The following PBLD variants were observed in gnomAD, a reference collection of about 807,000 sequenced individuals.
The protein encoded by PBLD is phenazine biosynthesis-like domain-containing protein.
A neutral mutation model predicts 31.3 loss-of-function variants in PBLD; 26 were observed. The ratio of observed to expected loss-of-function variants is 0.83; its 90% CI spans 0.61 to 1.15. PBLD has a LOEUF of 1.15. PBLD is among the 50% of genes most tolerant of loss of function. The pLI, the probability that PBLD is intolerant of heterozygous loss-of-function variation, is 0.00. For missense variants in PBLD, 307 were observed against 351.7 expected, an observed-to-expected ratio of 0.87 and a Z score of 1.02; for synonymous variants, 114 against 129.0, an observed-to-expected ratio of 0.88 and a Z score of 0.79.
chr10:68,326,252 C>T (rs2044918790), intron 1 of PBLD, among the ~76,000 whole-genome samples: 1 of 152,144 alleles, frequency 6.6e-6, no homozygotes, highest in Middle Eastern at 3.4e-3. Flanking sequence ...GTTGCCCAGG[C>T]TGATCTTGAA....
rs1246894475 is a variant in PBLD, at chr10:68,288,770, G to A, written c.513-109C>T. The A allele has an allele frequency of 3.7e-6, 5 of 1,334,546 alleles. No homozygotes were observed. The South Asian group carries it at 5.3e-5, about 14-fold the overall frequency. 82.7% of individuals were successfully genotyped at this position (1,334,546 alleles called of 1,614,324 possible). ...AGCTTGCTCAAAGAGCTTAACAGGAGGGGAAGGAAGAACAAGTGGGAATGT... is the reference window on the plus strand; with the variant it reads ...AGCTTGCTCAAAGAGCTTAACAGGAAGGGAAGGAAGAACAAGTGGGAATGT... On this transcript the variant is annotated intron_variant, in intron 7 of 9. Coordinates refer to ENST00000358769, the MANE Select transcript of PBLD (RefSeq NM_022129.4).
intron 9 of PBLD, chr10:68,285,134 C>G: frequency 7.3e-7 from 1 of 1,362,034 alleles, no homozygotes; most frequent in South Asian, 2.0e-5. Context: ...GTTACTGTAT[C>G]TGTGTCTGTA....
chr10:68,300,921 G>T (rs1045241171), intron 2 of PBLD, among the ~76,000 whole-genome samples: 24 of 151,864 alleles, frequency 1.6e-4, no homozygotes, highest in Admixed American at 2.6e-4. Context: ...TTTTTGAGAC[G>T]GAATCTCGCT....
rs537622918 is a variant in PBLD, at chr10:68,323,434, T to G, written c.-60+9350A>C. ...AAAATTAGCCAGGCTTCGTGGAGCA[T>G]ACCTGTAATCCCAGCTACTCAGGAG... On this transcript the variant is annotated intron_variant, in intron 1 of 9. Coordinates refer to ENST00000358769, the MANE Select transcript of PBLD (RefSeq NM_022129.4). 2.6e-5 allele frequency among the ~76,000 whole-genome samples: 4 copies of G among 152,184 alleles called. No individual in the cohort carries two copies. In the South Asian group the frequency reaches 8.3e-4, roughly 32 times the overall value.
At chr10:68,288,408 A>G in intron 8 of PBLD, 75 bp downstream of exon 8, 1 of 1,481,156 alleles carries the variant, frequency 6.8e-7, no homozygotes, top group Non-Finnish European at 9.2e-7. Flanking sequence ...AGGTCACAGG[A>G]AGTGCACTTA....
At chr10:68,284,853 C>G (rs2044267295) in intron 9 of PBLD, among the ~76,000 whole-genome samples, 1 of 152,242 alleles carries the variant, frequency 6.6e-6, no homozygotes, top group Non-Finnish European at 1.5e-5. Context: ...TGAATAGCCA[C>G]CTTGCTCTCT....
In PBLD at chr10:68,283,836, C is replaced by A. The variant is rs2044255905; in HGVS notation, c.*341G>T. ...TCTCTGCTCACTGCAACTTCTGCCT[C>A]CTGGGTTCAAGCGATTCTCCATGCC... is the stretch of plus-strand genomic sequence containing the variant. On this transcript the variant is annotated 3_prime_UTR_variant, in exon 10 of 10. Coordinates refer to ENST00000358769, the MANE Select transcript of PBLD (RefSeq NM_022129.4). The A allele has an allele frequency of 4.2e-6, 1 of 236,104 alleles. No homozygotes were observed. Among genetic ancestry groups the A allele is most frequent in the Admixed American group, 5.2e-5 (1 of 19,260 alleles). 14.6% of individuals were successfully genotyped at this position (236,104 alleles called of 1,614,324 possible).
intron 9 of PBLD, chr10:68,285,011 G>A: frequency 8.7e-7 from 1 of 1,149,866 alleles, no homozygotes; most frequent in East Asian, 4.5e-5. Context: ...CCTGTGACTA[G>A]CAATAGCAGT....
At position 68,293,759 on chromosome 10, in the gene PBLD, G is replaced by A. The variant is rs999555106; in HGVS notation, c.284-1521C>T. Among the ~76,000 whole-genome samples, 19 of 152,168 alleles carry A rather than the reference G, an allele frequency of 1.2e-4. 1 individual carries two copies. The highest frequency in any genetic ancestry group is 4.6e-4 in the Admixed American group (7 of 15,284). The stretch of plus-strand genomic sequence containing the variant: ...GGAGGCCGAGGCGGGTGGTTCACCC[G>A]AAGTCAGGAGTTTGAGACCAGCTTG... On this transcript the variant is annotated intron_variant, in intron 4 of 9. Transcript: ENST00000358769.
At chr10:68,306,460 A>T (rs2044580321) in intron 2 of PBLD, among the ~76,000 whole-genome samples, 1 of 152,164 alleles carries the variant, frequency 6.6e-6, no homozygotes, top group Non-Finnish European at 1.5e-5. Context: ...TCTCCTCAAC[A>T]CTTGGTGCTA....
At chr10:68,286,085 CTT>C (rs71009034) in intron 8 of PBLD, among the ~76,000 whole-genome samples, 13 of 103,414 alleles carry the variant, frequency 1.3e-4, no homozygotes, top group Admixed American at 5.2e-4. Context: ...TTGAATAATT[CTT>C]TTTTTTTTTT....
intron 9 of PBLD, 33 bp from the exon 10 acceptor site, chr10:68,284,322 T>C (rs1397733466): frequency 1.3e-6 from 2 of 1,536,064 alleles, no homozygotes; most frequent in Non-Finnish European, 1.8e-6. Flanking sequence ...ATTAAGAGTA[T>C]TTTCACCCTT....
chr10:68,305,109 C>T (rs967769444), intron 2 of PBLD, among the ~76,000 whole-genome samples: 2 of 152,112 alleles, frequency 1.3e-5, no homozygotes, highest in African/African-American at 4.8e-5. Flanking sequence ...CCTGTAATCC[C>T]AGCACTTTGG....
In PBLD at chr10:68,283,816, G is replaced by C. The variant is rs746824629; in HGVS notation, c.*361C>G. 5.6e-5 allele frequency: 13 copies of C among 231,260 alleles called. No homozygotes were observed. The highest frequency in any genetic ancestry group is 1.1e-4 in the Non-Finnish European group (13 of 116,218). 14.3% of individuals were successfully genotyped at this position (231,260 alleles called of 1,614,324 possible). A position where few individuals can be genotyped will look rare whatever the true frequency, so the allele number is the denominator to read the frequency against. ...GCTGGAGTGCAGTGGTGTGATCTCTGCTCACTGCAACTTCTGCCTCCTGGG... is the reference window on the plus strand; with the variant it reads ...GCTGGAGTGCAGTGGTGTGATCTCTCCTCACTGCAACTTCTGCCTCCTGGG... On this transcript the variant is annotated 3_prime_UTR_variant, in exon 10 of 10. Transcript: ENST00000358769.
intron 4 of PBLD, among the ~76,000 whole-genome samples, chr10:68,294,913 A>G (rs1484862132): frequency 6.6e-6 from 1 of 152,114 alleles, no homozygotes; most frequent in Non-Finnish European, 1.5e-5. Context: ...TTTTTAGTAG[A>G]GACGGGGTTT....
rs115951512 is a variant in PBLD at position 68,311,064 on chromosome 10, G to A, written c.-59-4161C>T. On this transcript the variant is annotated intron_variant, in intron 1 of 9. Transcript: ENST00000358769. ...TAATTTATTAAATACCCTACTGAAA[G>A]TAAAAAGCAAAATGGTTGTATGGGT... Among the ~76,000 whole-genome samples, 844 of 152,208 alleles carry A rather than the reference G, an allele frequency of 5.5e-3. 10 individuals are homozygous for A. The highest frequency in any genetic ancestry group is 0.019 in the African/African-American group (807 of 41,522).
chr10:68,303,162 C>A (rs2044528349), intron 2 of PBLD, among the ~76,000 whole-genome samples: 1 of 151,948 alleles, frequency 6.6e-6, no homozygotes, highest in African/African-American at 2.4e-5. Flanking sequence ...CAACCTCTGC[C>A]TCCCAGGTTC....
In PBLD at chr10:68,306,917, G is replaced by T; in HGVS notation, c.-59-14C>A. ...GCTTTACGTCTTCTTCTTGGAAAAGGAAATCAAAAAGTTAATGTTTTACTT... is the reference window on the plus strand; with the variant it reads ...GCTTTACGTCTTCTTCTTGGAAAAGTAAATCAAAAAGTTAATGTTTTACTT... On this transcript the variant is annotated splice_polypyrimidine_tract_variant and intron_variant, in intron 1 of 9. Transcript: ENST00000358769. The T allele has an allele frequency of 8.2e-7, 1 of 1,224,654 alleles. No individual in the cohort carries two copies. Among genetic ancestry groups the T allele is most frequent in the Non-Finnish European group, 1.2e-6 (1 of 845,804 alleles). The allele number at this position is 1,224,654 out of a possible 1,614,324, so 75.9% of individuals were successfully genotyped here. A position where few individuals can be genotyped will look rare whatever the true frequency, so the allele number is the denominator to read the frequency against.
intron 1 of PBLD, among the ~76,000 whole-genome samples, chr10:68,321,680 A>G (rs2044837131): frequency 6.6e-6 from 1 of 152,214 alleles, no homozygotes; most frequent in Admixed American, 6.6e-5. Flanking sequence ...TGAGGCTGGA[A>G]TCTCTTCTAG....
Sources: gnomAD v4.1 joint callset for allele counts (sites outside exome capture counted in the v4.1 genomes callset) on GRCh38, gnomAD v4.1.1 for gene constraint, MANE v1.5 for transcripts, NCBI Gene and HGNC (gene_info 2026-07-23, HGNC 2026-07-21) for gene names.